Variants in PPM1L observed in about 807,000 individuals in gnomAD.
The protein encoded by PPM1L is protein phosphatase, Mg2+/Mn2+ dependent 1L.
In PPM1L, 13 loss-of-function variants were observed where a neutral mutation model predicts 31.4. The observed-to-expected ratio is 0.41, with a 90% confidence interval of 0.27 to 0.66. The LOEUF is 0.66. Ranked by LOEUF, PPM1L falls within the 30% of genes least tolerant of loss-of-function variation. The pLI is 0.29. For synonymous variants in PPM1L, 184 were observed against 175.4 expected, an observed-to-expected ratio of 1.05 and a Z score of -0.39; for missense variants, 326 against 453.7, an observed-to-expected ratio of 0.72 and a Z score of 2.56.
At chr3:160,825,443 C>T (rs1713326919) in intron 1 of PPM1L, among the ~76,000 whole-genome samples, 1 of 152,096 alleles carries the variant, frequency 6.6e-6, no homozygotes, top group Admixed American at 6.6e-5. Flanking sequence ...AATAGCAGCT[C>T]ACTTGCATTG....
At chr3:161,017,805 G>A (rs1207067714) in intron 2 of PPM1L, among the ~76,000 whole-genome samples, 4 of 152,076 alleles carry the variant, frequency 2.6e-5, no homozygotes, top group Non-Finnish European at 1.5e-5. Context: ...AAGTATTGCC[G>A]AGGTTGAGTA....
chr3:160,975,165 C>G (rs1426698328), intron 2 of PPM1L, among the ~76,000 whole-genome samples: 2 of 152,070 alleles, frequency 1.3e-5, no homozygotes, highest in Non-Finnish European at 2.9e-5. Flanking sequence ...TCAGGTTTGT[C>G]AAAGATTAGA....
intron 2 of PPM1L, among the ~76,000 whole-genome samples, chr3:161,031,032 C>T (rs927084660): frequency 4.6e-5 from 7 of 152,198 alleles, no homozygotes; most frequent in African/African-American, 1.4e-4. Flanking sequence ...AATGGTTCAC[C>T]TCCACTTTCT....
chr3:160,805,141 T>G lies in PPM1L; in HGVS notation c.399+48434T>G, dbSNP rs1712558258. Among the ~76,000 whole-genome samples the G allele has an allele frequency of 5.9e-5, 9 of 152,246 alleles. No homozygotes were observed. The South Asian group carries it at 1.9e-3, about 32-fold the overall frequency. On this transcript the variant is annotated intron_variant, in intron 1 of 3. Transcript: ENST00000498165. ...GCTAGGCAGATCATCTGTGATTTTT[T>G]ATTACTACCTCTGTATTCCACTGGC...
chr3:161,055,550 GAACT>G (rs1719388348), intron 2 of PPM1L, among the ~76,000 whole-genome samples: 1 of 151,934 alleles, frequency 6.6e-6, no homozygotes, highest in Non-Finnish European at 1.5e-5. Context: ...TTGTGTTATT[GAACT>G]AACACTCATT....
chr3:160,910,399 G>A (rs1050826555), intron 1 of PPM1L, among the ~76,000 whole-genome samples: 11 of 136,896 alleles, frequency 8.0e-5, no homozygotes, highest in African/African-American at 3.1e-4. Context: ...TGCAACCTCC[G>A]CCTCCCAGGT....
chr3:160,823,511 C>A (rs1713268728), intron 1 of PPM1L, among the ~76,000 whole-genome samples: 1 of 151,598 alleles, frequency 6.6e-6, no homozygotes, highest in Non-Finnish European at 1.5e-5. Context: ...CTATGCCCGG[C>A]CTAAATGATT....
intron 1 of PPM1L, among the ~76,000 whole-genome samples, chr3:160,960,148 C>CAT (rs148309996): frequency 0.058 from 8,709 of 148,942 alleles, 292 homozygotes; most frequent in Middle Eastern, 0.12. Flanking sequence ...TAGCGTGTAT[C>CAT]ATATATATAT....
chr3:161,049,132 G>C (rs1396476479), intron 2 of PPM1L, among the ~76,000 whole-genome samples: 1 of 149,784 alleles, frequency 6.7e-6, no homozygotes, highest in Non-Finnish European at 1.5e-5. Flanking sequence ...ACAAAAATTA[G>C]ATGGACGTGG....
chr3:160,791,439 T>C (rs977980099), intron 1 of PPM1L, among the ~76,000 whole-genome samples: 1 of 152,144 alleles, frequency 6.6e-6, no homozygotes, highest in African/African-American at 2.4e-5. Flanking sequence ...TCTTAGTAAG[T>C]TTATTTCTCT....
chr3:160,906,499 G>A (rs898467352), intron 1 of PPM1L, among the ~76,000 whole-genome samples: 1 of 152,174 alleles, frequency 6.6e-6, no homozygotes, highest in Non-Finnish European at 1.5e-5. Context: ...CTACTCAGGA[G>A]GCTGAGGCAG....
At position 160,756,599 on chromosome 3, in the gene PPM1L, C is replaced by T; in HGVS notation, c.291C>T (p.Ser97=). ...EFKNHNVAVY[S]IQGRRDHMED... is the part of the protein sequence containing the mutation. Reference sequence around the variant, plus strand: ...AGAACCACAACGTGGCGGTGTACTCCATCCAGGGCCGGAGAGACCACATGG... The same window carrying T: ...AGAACCACAACGTGGCGGTGTACTCTATCCAGGGCCGGAGAGACCACATGG... Residue 97 remains serine (S), a synonymous_variant, in exon 1 of 4, where the codon TCC becomes TCT. Coordinates refer to ENST00000498165, the MANE Select transcript of PPM1L (RefSeq NM_139245.4). This position sits in a 1 kb window ranked among gnomAD's most constrained non-coding sequence, Gnocchi z 6.2. 6.2e-7 allele frequency: 1 copy of T among 1,614,144 alleles called. No individual in the cohort carries two copies. Among genetic ancestry groups the T allele is most frequent in the South Asian group, 1.1e-5 (1 of 91,074 alleles).
intron 1 of PPM1L, among the ~76,000 whole-genome samples, chr3:160,821,434 T>TA (rs1016272646): frequency 2.0e-5 from 3 of 152,056 alleles, no homozygotes; most frequent in African/African-American, 7.2e-5. Flanking sequence ...TTCTGCAGTT[T>TA]AAAAAATTGA....
chr3:160,930,144 A>G (rs1231757234), intron 1 of PPM1L, among the ~76,000 whole-genome samples: 3 of 152,218 alleles, frequency 2.0e-5, no homozygotes, highest in East Asian at 1.9e-4. Flanking sequence ...TTTTAGAACC[A>G]CAAAACAGGT....
At chr3:160,921,345 T>C (rs1480580754) in intron 1 of PPM1L, among the ~76,000 whole-genome samples, 1 of 152,220 alleles carries the variant, frequency 6.6e-6, no homozygotes, top group Non-Finnish European at 1.5e-5. Context: ...GTGATTTTTA[T>C]ATGTGACAAA....
intron 1 of PPM1L, among the ~76,000 whole-genome samples, chr3:160,844,253 G>A (rs1714001561): frequency 6.6e-6 from 1 of 152,100 alleles, no homozygotes. Context: ...TAGAGTATGG[G>A]TAAATACACA....
chr3:160,775,013 T>C (rs888285696), intron 1 of PPM1L, among the ~76,000 whole-genome samples: 3 of 152,328 alleles, frequency 2.0e-5, no homozygotes, highest in Non-Finnish European at 2.9e-5. Flanking sequence ...CTATCACTTA[T>C]GTCTGTTGGA....
chr3:160,984,034 C>T (rs996082222), intron 2 of PPM1L, among the ~76,000 whole-genome samples: 11 of 152,128 alleles, frequency 7.2e-5, no homozygotes, highest in South Asian at 6.2e-4. Flanking sequence ...TTCCGTGTCC[C>T]GCTGTGTATG....
chr3:160,861,350 A>G (rs1711883264), intron 1 of PPM1L, among the ~76,000 whole-genome samples: 1 of 152,238 alleles, frequency 6.6e-6, no homozygotes, highest in Non-Finnish European at 1.5e-5. Context: ...GAGAAAGCCG[A>G]GATGTTAGAT....
Sources: allele counts gnomAD v4.1 joint callset (sites outside exome capture counted in the v4.1 genomes callset), GRCh38; gene constraint gnomAD v4.1.1; non-coding constraint Gnocchi (gnomAD v3.1); transcripts MANE v1.5; gene names NCBI Gene and HGNC (gene_info 2026-07-23, HGNC 2026-07-21).